Variants in DLC1 observed in about 807,000 individuals in gnomAD.
The protein encoded by DLC1 is rho GTPase-activating protein 7.
A neutral mutation model predicts 140.3 loss-of-function variants in DLC1; 54 were observed. The observed-to-expected ratio is 0.38, with a 90% CI of 0.31 to 0.48. The LOEUF (loss-of-function observed/expected upper bound fraction) is 0.48. Ranked by LOEUF, DLC1 falls within the 20% of genes least tolerant of loss-of-function variation. The pLI, the probability that DLC1 is intolerant of heterozygous loss-of-function variation, is 0.96. For synonymous variants in DLC1, 986 were observed against 728.1 expected, an observed-to-expected ratio of 1.35 and a Z score of -5.70; for missense variants, 2,536 against 1,907.0, an observed-to-expected ratio of 1.33 and a Z score of -6.14.
intron 5 of DLC1, among the ~76,000 whole-genome samples, chr8:13,297,549 G>A (rs773448921): frequency 6.6e-6 from 1 of 152,050 alleles, no homozygotes; most frequent in Non-Finnish European, 1.5e-5. Flanking sequence ...AACATTTGCT[G>A]ATTTTTACAA....
At chr8:13,422,385 A>G (rs1838355895) in intron 2 of DLC1, among the ~76,000 whole-genome samples, 1 of 151,664 alleles carries the variant, frequency 6.6e-6, no homozygotes, top group Non-Finnish European at 1.5e-5. Context: ...CAACACTAGA[A>G]AGGAATTCAG....
intron 5 of DLC1, among the ~76,000 whole-genome samples, chr8:13,234,883 C>T (rs1829210846): frequency 6.6e-6 from 1 of 152,052 alleles, no homozygotes; most frequent in African/African-American, 2.4e-5. Flanking sequence ...AACAAAACAA[C>T]TGATTTACGA....
rs549149502 is a variant in DLC1, at chr8:13,414,149, A to G, written c.1024-12530T>C. Reference sequence around the variant, plus strand: ...ACATACTTTATAATATATTTTTCATATACTATCTTTTTACCTTTGTTGAAT... The same window carrying G: ...ACATACTTTATAATATATTTTTCATGTACTATCTTTTTACCTTTGTTGAAT... On this transcript the variant is annotated intron_variant, in intron 2 of 17. Coordinates refer to ENST00000276297, the MANE Select transcript of DLC1 (RefSeq NM_182643.3). Among the ~76,000 whole-genome samples the G allele has an allele frequency of 2.2e-3, 328 of 152,322 alleles. 1 individual carries two copies. Among genetic ancestry groups the G allele is most frequent in the Non-Finnish European group, 3.6e-3 (245 of 68,032 alleles).
intron 1 of DLC1, among the ~76,000 whole-genome samples, chr8:13,551,802 T>C (rs1245298781): frequency 6.7e-6 from 1 of 149,626 alleles, no homozygotes; most frequent in Non-Finnish European, 1.5e-5. Flanking sequence ...TATATCTAGG[T>C]ATATATCTAG....
intron 5 of DLC1, among the ~76,000 whole-genome samples, chr8:13,195,130 T>G (rs75945883): frequency 0.048 from 7,383 of 152,334 alleles, 205 homozygotes; most frequent in Non-Finnish European, 0.066. Context: ...TCTCATTTAT[T>G]TGGCCCAAAC....
Position 13,090,295 on chromosome 8 carries a change from A to C in DLC1, c.4031T>G (p.Val1344Gly). ...KEVKEKFKGW[V>G]SYSTSEQAEL... is the part of the protein sequence containing the mutation. Reference sequence around the variant, plus strand: ...AGCCTGCTCCGAAGTGGAGTAGCTGACCCAGCCTTTAAACTTCTCTTTGAC... The same window carrying C: ...AGCCTGCTCCGAAGTGGAGTAGCTGCCCCAGCCTTTAAACTTCTCTTTGAC... The change falls in exon 15 of 18, where the codon GTC becomes GGC. Residue 1344 changes from valine (V) to glycine (G), a missense_variant. Val to Gly is a moderately radical substitution (Grantham distance 109). Transcript: ENST00000276297. The C allele has an allele frequency of 6.2e-7, 1 of 1,614,128 alleles. No homozygotes were observed. Among genetic ancestry groups the C allele is most frequent in the Non-Finnish European group, 8.5e-7 (1 of 1,180,034 alleles).
At chr8:13,383,353 G>T (rs1355780457) in intron 4 of DLC1, among the ~76,000 whole-genome samples, 3 of 152,168 alleles carry the variant, frequency 2.0e-5, no homozygotes, top group African/African-American at 7.2e-5. Flanking sequence ...TGTATGTTGG[G>T]TGAGTTTGCA....
intron 1 of DLC1, among the ~76,000 whole-genome samples, chr8:13,513,532 T>C (rs1158096): frequency 0.065 from 9,923 of 152,104 alleles, 869 homozygotes; most frequent in East Asian, 0.4. Flanking sequence ...TCTCCATCTT[T>C]CACTTAGTAT....
intron 5 of DLC1, among the ~76,000 whole-genome samples, chr8:13,126,545 T>G (rs73663605): frequency 0.032 from 4,805 of 152,304 alleles, 251 homozygotes; most frequent in African/African-American, 0.11. Flanking sequence ...AAGAAAAGTA[T>G]CTAATTAATA....
chr8:13,116,071 C>A, intron 5 of DLC1: 1 of 927,442 alleles, frequency 1.1e-6, no homozygotes, highest in Non-Finnish European at 1.3e-6. Flanking sequence ...CACCACCACG[C>A]TAAAATAGAA....
intron 1 of DLC1, among the ~76,000 whole-genome samples, chr8:13,503,157 C>T (rs1280442386): frequency 2.0e-5 from 3 of 152,182 alleles, no homozygotes; most frequent in African/African-American, 4.8e-5. Flanking sequence ...GTAATCCCAG[C>T]ACTTTGGGAG....
chr8:13,301,840 G>A (rs900328533), intron 5 of DLC1, among the ~76,000 whole-genome samples: 1 of 152,122 alleles, frequency 6.6e-6, no homozygotes, highest in African/African-American at 2.4e-5. Flanking sequence ...CACATGTGAG[G>A]GTTCTAGGCA....
intron 5 of DLC1, among the ~76,000 whole-genome samples, chr8:13,302,503 G>T (rs532400356): frequency 1.3e-5 from 2 of 152,120 alleles, no homozygotes; most frequent in African/African-American, 4.8e-5. Context: ...ACGTGGATCA[G>T]AATAGAAGAT....
chr8:13,215,236 A>G (rs1292802635), intron 5 of DLC1, among the ~76,000 whole-genome samples: 8 of 152,224 alleles, frequency 5.3e-5, no homozygotes, highest in Admixed American at 5.2e-4. Context: ...AACAAAAAAA[A>G]TTAATAAAAG....
At chr8:13,530,675 G>C (rs1361218360) in intron 1 of DLC1, among the ~76,000 whole-genome samples, 1 of 152,112 alleles carries the variant, frequency 6.6e-6, no homozygotes, top group Non-Finnish European at 1.5e-5. Flanking sequence ...TTGACCTAGA[G>C]TATAGTAAAT....
intron 5 of DLC1, among the ~76,000 whole-genome samples, chr8:13,122,981 A>G (rs571936764): frequency 1.3e-5 from 2 of 152,228 alleles, no homozygotes; most frequent in Admixed American, 6.5e-5. Context: ...TATTGATCCA[A>G]CTAGGCGTAC....
At chr8:13,321,974 A>C (rs1833146248) in intron 4 of DLC1, among the ~76,000 whole-genome samples, 1 of 152,148 alleles carries the variant, frequency 6.6e-6, no homozygotes, top group African/African-American at 2.4e-5. Flanking sequence ...CAAATGCTGC[A>C]TTTTCATAGA....
intron 4 of DLC1, among the ~76,000 whole-genome samples, chr8:13,356,918 T>G (rs977693567): frequency 2.6e-5 from 4 of 152,062 alleles, no homozygotes; most frequent in Non-Finnish European, 4.4e-5. Flanking sequence ...AGTGTTAGGG[T>G]TGCAGAAAGT....
chr8:13,243,553 A>G (rs1272563739), intron 5 of DLC1, among the ~76,000 whole-genome samples: 1 of 152,192 alleles, frequency 6.6e-6, no homozygotes, highest in Non-Finnish European at 1.5e-5. Context: ...GTACAAGGAA[A>G]GGGTTTGTTA....
Sources: gnomAD v4.1 joint callset for allele counts (sites outside exome capture counted in the v4.1 genomes callset) on GRCh38, gnomAD v4.1.1 for gene constraint, MANE v1.5 for transcripts, NCBI Gene and HGNC (gene_info 2026-07-23, HGNC 2026-07-21) for gene names.